The following GRM4 variants were observed in gnomAD, a reference collection of about 807,000 sequenced individuals.
GRM4 encodes glutamate metabotropic receptor 4.
In GRM4, 28 loss-of-function variants were observed where a neutral mutation model predicts 81.7. The ratio of observed to expected loss-of-function variants is 0.34; its 90% confidence interval spans 0.25 to 0.47. The LOEUF is 0.47. Among genes scored for constraint, GRM4 ranks in the 20% least tolerant of loss-of-function variants. GRM4 has a pLI of 1.00. For missense variants in GRM4, 948 were observed against 1,290.0 expected, an observed-to-expected ratio of 0.73 and a Z score of 4.06; for synonymous variants, 488 against 528.8, an observed-to-expected ratio of 0.92 and a Z score of 1.06.
Position 34,038,531 on chromosome 6 carries a change from C to T in GRM4, c.1506+1647G>A, listed in dbSNP as rs543453719. Among the ~76,000 whole-genome samples the T allele has an allele frequency of 2.0e-4, 30 of 152,300 alleles. No homozygotes were observed. In the South Asian group the frequency reaches 3.9e-3, roughly 20 times the overall value. ...GTCCAGGGTACCAGTGATGCGACGC[C>T]GCCACACCCTGAGACCCTGGAGGAG... On this transcript the variant is annotated intron_variant, in intron 8 of 10. Coordinates refer to ENST00000538487, the MANE Select transcript of GRM4 (RefSeq NM_000841.4).
At chr6:34,151,028 G>A (rs547768610), upstream of GRM4, among the ~76,000 whole-genome samples, 83 of 152,118 alleles carry the variant, frequency 5.5e-4, no homozygotes, top group African/African-American at 2.0e-3. Flanking sequence ...CCTGCCATGC[G>A]CTAAGCACCT....
chr6:34,135,409 C>G (rs1050736438), intron 1 of GRM4, among the ~76,000 whole-genome samples: 1 of 152,254 alleles, frequency 6.6e-6, no homozygotes, highest in Non-Finnish European at 1.5e-5. Context: ...TGGCCCCATG[C>G]TGCAGGTGAA....
rs1768157328 is a variant in GRM4, at chr6:34,090,715, G to C, written c.736+1168C>G. Among the ~76,000 whole-genome samples the C allele has an allele frequency of 6.6e-6, 1 of 152,086 alleles. No homozygotes were observed. Among genetic ancestry groups the C allele is most frequent in the Non-Finnish European group, 1.5e-5 (1 of 68,010 alleles). On this transcript the variant is annotated intron_variant, in intron 3 of 10. Coordinates refer to ENST00000538487, the MANE Select transcript of GRM4 (RefSeq NM_000841.4). The surrounding 1 kb of genome is among the most constrained non-coding windows in gnomAD (Gnocchi z 5.2). ...TGTACAATTAAAGGGGCTTATCCGA[G>C]ATTTATAGCAGGATTATGCCCACGG... is the stretch of plus-strand genomic sequence containing the variant.
chr6:34,072,541 A>T (rs1335858573), intron 3 of GRM4, among the ~76,000 whole-genome samples: 1 of 152,138 alleles, frequency 6.6e-6, no homozygotes, highest in Non-Finnish European at 1.5e-5. Context: ...CCCCACACAC[A>T]GACTCACACA....
intron 6 of GRM4, 94 bp downstream of exon 6, chr6:34,056,446 CGACA>C (rs1765887771): frequency 6.1e-6 from 7 of 1,144,652 alleles, no homozygotes; most frequent in South Asian, 5.8e-5. Context: ...GGCCGGCCGA[CGACA>C]GACAAAGGGA....
At chr6:34,095,521 T>A (rs1033998529) in intron 2 of GRM4, among the ~76,000 whole-genome samples, 2 of 152,190 alleles carry the variant, frequency 1.3e-5, no homozygotes, top group Non-Finnish European at 2.9e-5. Flanking sequence ...AATAGCTGTC[T>A]CCTAAGGCTG....
intron 6 of GRM4, 49 bp downstream of exon 6, chr6:34,056,495 C>A: frequency 6.4e-7 from 1 of 1,551,478 alleles, no homozygotes; most frequent in Non-Finnish European, 8.8e-7. Flanking sequence ...CTCGGCCCTC[C>A]CCGGCTCCTC....
At chr6:34,110,242 C>T (rs1227447484) in intron 2 of GRM4, among the ~76,000 whole-genome samples, 1 of 145,252 alleles carries the variant, frequency 6.9e-6, no homozygotes, top group Non-Finnish European at 1.5e-5. Flanking sequence ...TGCAGTGAGC[C>T]ATGGTTGCGC....
intron 6 of GRM4, among the ~76,000 whole-genome samples, chr6:34,043,778 C>A (rs571873701): frequency 3.9e-5 from 6 of 152,254 alleles, no homozygotes; most frequent in African/African-American, 1.2e-4. Context: ...GTGGATATCC[C>A]GCAGGAGCCC....
upstream of GRM4, among the ~76,000 whole-genome samples, chr6:34,149,695 A>G (rs539170488): frequency 6.6e-6 from 1 of 152,164 alleles, no homozygotes; most frequent in Non-Finnish European, 1.5e-5. Flanking sequence ...TGGCTAGGGG[A>G]CAGAGCCCTG....
chr6:34,023,064 C>T (rs1272488517), intron 10 of GRM4, among the ~76,000 whole-genome samples, 194 bp from the exon 11 acceptor site: 3 of 152,260 alleles, frequency 2.0e-5, no homozygotes, highest in Non-Finnish European at 4.4e-5. Flanking sequence ...GCTTCTCCTG[C>T]TGTTCCTAGC....
rs1766081447 is a variant in GRM4 at position 34,059,603 on chromosome 6, G to A, written c.873-475C>T. The A allele has an allele frequency of 5.8e-6, 1 of 172,138 alleles. No homozygotes were observed. The highest frequency in any genetic ancestry group is 1.2e-5 in the Non-Finnish European group (1 of 80,018). 10.7% of individuals were successfully genotyped at this position (172,138 alleles called of 1,614,324 possible). ...CACCCCTCTGCACATGCTGCCTTCT[G>A]CCCACAGCTCCCTCTTCATTCACCG... On this transcript the variant is annotated intron_variant, in intron 4 of 10. Coordinates refer to ENST00000538487, the MANE Select transcript of GRM4 (RefSeq NM_000841.4). This position sits in a 1 kb window ranked among gnomAD's most constrained non-coding sequence, Gnocchi z 5.7.
intron 1 of GRM4, among the ~76,000 whole-genome samples, chr6:34,141,809 G>A (rs1048431331): frequency 4.6e-5 from 7 of 152,180 alleles, no homozygotes; most frequent in Non-Finnish European, 1.0e-4. Flanking sequence ...CAGGTGGAGG[G>A]GAGAAGTGGG....
At chr6:34,071,856 AC>A (rs1275195396) in intron 3 of GRM4, among the ~76,000 whole-genome samples, 2 of 126,790 alleles carry the variant, frequency 1.6e-5, no homozygotes, top group Non-Finnish European at 3.3e-5. Context: ...AACCACACAC[AC>A]AACCATACAT....
At position 34,123,115 on chromosome 6, in the gene GRM4, G is replaced by A. The variant is rs201795665; in HGVS notation, c.519+9863C>T. ...GTTACCCAAGGTCACACAGCGAGTT[G>A]GCAGCAGAGGCAGGCCCCAAAAGCA... On this transcript the variant is annotated intron_variant, in intron 2 of 10. Transcript: ENST00000538487. Among the ~76,000 whole-genome samples, 5 of 152,182 alleles carry A rather than the reference G, an allele frequency of 3.3e-5. No homozygotes were observed. The East Asian group carries it at 9.6e-4, about 29-fold the overall frequency.
At chr6:34,129,081 C>A (rs1770137544) in intron 2 of GRM4, among the ~76,000 whole-genome samples, 1 of 151,228 alleles carries the variant, frequency 6.6e-6, no homozygotes, top group Admixed American at 6.6e-5. Context: ...GTGGTGCGAT[C>A]TCGGCTCACT....
chr6:34,102,164 G>A (rs946092572), intron 2 of GRM4: 2 of 1,534,774 alleles, frequency 1.3e-6, no homozygotes, highest in Non-Finnish European at 1.7e-6. Flanking sequence ...GGTGTGCAGG[G>A]GACAGGAGCA....
At chr6:34,126,881 C>T (rs564053221) in intron 2 of GRM4, among the ~76,000 whole-genome samples, 1 of 152,368 alleles carries the variant, frequency 6.6e-6, no homozygotes, top group African/African-American at 2.4e-5. Flanking sequence ...CTGTCTCTGT[C>T]TCCTCTACTC....
Position 34,130,833 on chromosome 6 carries a change from T to A in GRM4, c.519+2145A>T, listed in dbSNP as rs1379492418. On this transcript the variant is annotated intron_variant, in intron 2 of 10. Transcript: ENST00000538487. The surrounding 1 kb of genome is among the most constrained non-coding windows in gnomAD (Gnocchi z 4.1). ...AGGGCTGGACCAGGCTGTTTTACCA[T>A]CTTTCTAAAAGACCCAGAGTCACTA... 6.6e-6 allele frequency among the ~76,000 whole-genome samples: 1 copy of A among 152,220 alleles called. No homozygotes were observed. Among genetic ancestry groups the A allele is most frequent in the African/African-American group, 2.4e-5 (1 of 41,468 alleles).
Sources: gnomAD v4.1 joint callset for allele counts (sites outside exome capture counted in the v4.1 genomes callset) on GRCh38, gnomAD v4.1.1 for gene constraint, Gnocchi (gnomAD v3.1) non-coding constraint, MANE v1.5 for transcripts, NCBI Gene and HGNC (gene_info 2026-07-23, HGNC 2026-07-21) for gene names.